The following IPO4 variants were observed in gnomAD, a reference collection of about 807,000 sequenced individuals.
IPO4 encodes the protein importin-4.
A neutral mutation model predicts 133.5 loss-of-function variants in IPO4; 91 were observed. That is an observed-to-expected ratio of 0.68 (90% CI 0.58 to 0.81). The LOEUF is 0.81. IPO4 is among the 30% of genes least tolerant of loss of function. IPO4 has a pLI of 0.00. For missense variants in IPO4, 1,279 were observed against 1,386.2 expected (o/e 0.92, Z 1.23); for synonymous variants, 607 against 581.6 (o/e 1.04, Z -0.63).
intron 13 of IPO4, 69 bp downstream of exon 13, chr14:24,185,390 G>A (rs1380885085): frequency 1.9e-6 from 3 of 1,611,010 alleles, no homozygotes; most frequent in African/African-American, 1.3e-5. Flanking sequence ...CAGCAGGGAT[G>A]CTTGAAGAGA....
chr14:24,184,590 C>G, intron 16 of IPO4, 60 bp downstream of exon 16: 1 of 1,439,144 alleles, frequency 6.9e-7, no homozygotes, highest in Non-Finnish European at 9.4e-7. Context: ...TCTGTCAACA[C>G]CAGGTGAGCA....
rs1470787082 is a variant in IPO4, at chr14:24,185,294, A to T, written c.1297T>A (p.Ser433Thr). The T allele has an allele frequency of 6.2e-7, 1 of 1,614,154 alleles. No homozygotes were observed. The highest frequency in any genetic ancestry group is 8.5e-7 in the Non-Finnish European group (1 of 1,180,000). Residue 433 changes from serine (S) to threonine (T), a missense_variant, in exon 14 of 30, where the codon TCA (serine) becomes ACA (threonine). Transcript: ENST00000354464. ...AGGAGCAGTGGCATTACCTCCCTTG[A>T]ATAGCTGCTGATATGGGGCTGGGGG... ...ENLQPHISSY[S>T]REVMPLLLAY...
Position 24,183,917 on chromosome 14 carries a change from A to T in IPO4, c.1870-19T>A. The T allele has an allele frequency of 6.2e-7, 1 of 1,613,942 alleles. No individual in the cohort carries two copies. The highest frequency in any genetic ancestry group is 2.2e-5 in the East Asian group (1 of 44,870). The stretch of plus-strand genomic sequence containing the variant: ...ACTGAGGCTGGAGCGGAGGCACGGC[A>T]AGGACTTTGGCTCAGCTGGGCCCAG... On this transcript the variant is annotated intron_variant, in intron 18 of 29. Transcript: ENST00000354464.
chr14:24,185,377 T>G, intron 13 of IPO4, 65 bp from the exon 14 acceptor site: 1 of 1,612,626 alleles, frequency 6.2e-7, no homozygotes, highest in Middle Eastern at 1.7e-4. Flanking sequence ...AGAGTGCTGA[T>G]GGCAGCAGGG....
chr14:24,187,284 T>G, intron 6 of IPO4, 116 bp downstream of exon 6: 1 of 1,467,772 alleles, frequency 6.8e-7, no homozygotes, highest in Non-Finnish European at 9.5e-7. Flanking sequence ...CCCCTCTCAA[T>G]TGTCAGGAAG....
At chr14:24,184,231 C>A in intron 17 of IPO4, 67 bp downstream of exon 17, 1 of 1,557,928 alleles carries the variant, frequency 6.4e-7, no homozygotes, top group South Asian at 1.2e-5. Context: ...GTGGGGATTC[C>A]AGTGGGTCCA....
Position 24,184,685 on chromosome 14 carries a change from C to T in IPO4, c.1601G>A (p.Arg534His), listed in dbSNP as rs200959131. The T allele has an allele frequency of 2.0e-4, 325 of 1,611,056 alleles. No individual in the cohort carries two copies. The highest frequency in any genetic ancestry group is 8.0e-5 in the African/African-American group (6 of 74,888). ...EHLREFLLTG[R>H]EDLQPVQIQS... ...GATCTGCACAGGCTGAAGGTCCTCACGGCCTGTTAACAGGAATTCCCGCAG... is the reference window on the plus strand; with the variant it reads ...GATCTGCACAGGCTGAAGGTCCTCATGGCCTGTTAACAGGAATTCCCGCAG... The change falls in exon 16 of 30, where the codon CGT becomes CAT. Residue 534 changes from arginine (R) to histidine (H), a missense_variant. Coordinates refer to ENST00000354464, the MANE Select transcript of IPO4 (RefSeq NM_024658.4).
Position 24,180,837 on chromosome 14 carries a change from C to G in IPO4, c.3046-79G>C, listed in dbSNP as rs146889276. The G allele has an allele frequency of 4.2e-4, 535 of 1,259,986 alleles. 2 individuals are homozygous for G. In the East Asian group the frequency reaches 9.6e-3, roughly 23 times the overall value. The allele number at this position is 1,259,986 out of a possible 1,614,324, so 78.1% of individuals were successfully genotyped here. A position where few individuals can be genotyped will look rare whatever the true frequency, so the allele number is the denominator to read the frequency against. ...GAGGGTGGTCAGGACCAAGGAGTGG[C>G]AGAATCTCTTATCAGGGGGGTGGTT... is the stretch of plus-strand genomic sequence containing the variant. On this transcript the variant is annotated intron_variant, in intron 28 of 29. Coordinates refer to ENST00000354464, the MANE Select transcript of IPO4 (RefSeq NM_024658.4).
In IPO4 at chr14:24,188,532, G is replaced by T; in HGVS notation, c.156+20C>A. 6.2e-7 allele frequency: 1 copy of T among 1,610,436 alleles called. No individual in the cohort carries two copies. Among genetic ancestry groups the T allele is most frequent in the East Asian group, 2.2e-5 (1 of 44,816 alleles). ...GTGGCGTACAGTGGGAAGCTCGGAG[G>T]GGAGAGTCAGGGGTCTCACCTGGGG... On this transcript the variant is annotated intron_variant, in intron 2 of 29. Transcript: ENST00000354464.
rs1454918846 is a variant in IPO4 at position 24,181,211 on chromosome 14, T to G, written c.3045+302A>C. The stretch of plus-strand genomic sequence containing the variant: ...AGAGCACAGTTTGAAAGGGCCCCGG[T>G]TTAGGAAACCAGCCTAGGAAAACTG... On this transcript the variant is annotated intron_variant, in intron 28 of 29. Coordinates refer to ENST00000354464, the MANE Select transcript of IPO4 (RefSeq NM_024658.4). Among the ~76,000 whole-genome samples the G allele has an allele frequency of 2.0e-5, 3 of 152,098 alleles. No homozygotes were observed. The East Asian group carries it at 5.8e-4, about 29-fold the overall frequency.
At chr14:24,185,115 C>T in intron 14 of IPO4, 68 bp downstream of exon 14, 2 of 1,604,610 alleles carry the variant, frequency 1.2e-6, no homozygotes, top group Non-Finnish European at 1.7e-6. Flanking sequence ...GGGAGATGCA[C>T]ATCCTGTACA....
Position 24,186,709 on chromosome 14 carries a change from T to C in IPO4, c.839A>G (p.Lys280Arg). Residue 280 changes from lysine to arginine, a missense_variant and splice_region_variant, in exon 9 of 30, where the codon AAG becomes AGG. Transcript: ENST00000354464. ...GTGTGTCAATGGGCACTCACTTACCTTGCTCTTGACTTTGACCAAGAAAGT... is the reference window on the plus strand; with the variant it reads ...GTGTGTCAATGGGCACTCACTTACCCTGCTCTTGACTTTGACCAAGAAAGT... ...CLTFLVKVKS[K>R]ALLKNRLLPP... The C allele has an allele frequency of 6.2e-7, 1 of 1,613,792 alleles. No individual in the cohort carries two copies. The highest frequency in any genetic ancestry group is 8.5e-7 in the Non-Finnish European group (1 of 1,179,734).
Position 24,188,419 on chromosome 14 carries a change from C to A in IPO4, c.161G>T (p.Arg54Leu). ...LLASAADPQI[R>L]QFAAVLTRRR... ...GCGGGTCAGCACGGCCGCAAACTGGCGGATCTAGGACGAGGAAGCAAGCAC... is the reference window on the plus strand; with the variant it reads ...GCGGGTCAGCACGGCCGCAAACTGGAGGATCTAGGACGAGGAAGCAAGCAC... The change falls in exon 3 of 30, where the codon CGC becomes CTC. Residue 54 changes from arginine to leucine, a missense_variant. Arg to Leu is a moderately radical substitution (Grantham distance 102, BLOSUM62 -2). Around this residue, in one of 3 missense-constraint regions of IPO4, gnomAD observed 695 missense variants for 704.1 expected, o/e 0.99. Coordinates refer to ENST00000354464, the MANE Select transcript of IPO4 (RefSeq NM_024658.4). The A allele has an allele frequency of 2.5e-6, 4 of 1,611,310 alleles. No homozygotes were observed. Among genetic ancestry groups the A allele is most frequent in the Non-Finnish European group, 3.4e-6 (4 of 1,179,898 alleles).
In IPO4 at chr14:24,188,655, G is replaced by A. The variant is rs2039264795; in HGVS notation, c.70-17C>T. 4 of 1,606,986 alleles carry A rather than the reference G, an allele frequency of 2.5e-6. No individual in the cohort carries two copies. The highest frequency in any genetic ancestry group is 2.2e-5 in the East Asian group (1 of 44,594). On this transcript the variant is annotated splice_polypyrimidine_tract_variant and intron_variant, in intron 1 of 29. Transcript: ENST00000354464. ...TTCCGTGGCCTGGGGGGAAGCTAGG[G>A]GTGAGAGTTGGGCCTTTCCCGCAAC...
chr14:24,185,278 G>A lies in IPO4; in HGVS notation c.1313C>T (p.Pro438Leu). 1.9e-6 allele frequency: 3 copies of A among 1,614,176 alleles called. No individual in the cohort carries two copies. Among genetic ancestry groups the A allele is most frequent in the Non-Finnish European group, 2.5e-6 (3 of 1,180,026 alleles). ...HISSYSREVM[P>L]LLLAYLKSVP... Reference sequence around the variant, plus strand: ...CGACTTCAAGTAGGCGAGGAGCAGTGGCATTACCTCCCTTGAATAGCTGCT... The same window carrying A: ...CGACTTCAAGTAGGCGAGGAGCAGTAGCATTACCTCCCTTGAATAGCTGCT... The change falls in exon 14 of 30, where the codon CCA becomes CTA. Residue 438 changes from proline to leucine, a missense_variant. Coordinates refer to ENST00000354464, the MANE Select transcript of IPO4 (RefSeq NM_024658.4).
In IPO4 at chr14:24,183,595, G is replaced by A. The variant is rs571740209; in HGVS notation, c.2058C>T (p.Asn686=). ...TCAAVGEISV[N]TSVAFLPYME... ...AGGGAAGGGCGAATGCTCACCTGGT[G>A]TTCACAGAGATCTCCCCCACGGCAG... Residue 686 remains asparagine, a synonymous_variant, in exon 20 of 30, where the codon AAC becomes AAT. Transcript: ENST00000354464. 2.5e-6 allele frequency: 4 copies of A among 1,614,184 alleles called. No individual in the cohort carries two copies. The Admixed American group carries it at 5.0e-5, about 20-fold the overall frequency.
chr14:24,184,371 G>A lies in IPO4; in HGVS notation c.1684C>T (p.Leu562=), dbSNP rs1444341558. Residue 562 remains leucine (L), a synonymous_variant, in exon 17 of 30, where the codon CTG becomes TTG. Coordinates refer to ENST00000354464, the MANE Select transcript of IPO4 (RefSeq NM_024658.4). ...CCCAGCTGGCAGCATTCCTCAGCCA[G>A]CGGCCTCATGGGCTCCCCCACTGCT... ...ARAVGEPMRP[L]AEECCQLGLG... 1 of 1,607,022 alleles carries A rather than the reference G, an allele frequency of 6.2e-7. No homozygotes were observed. Among genetic ancestry groups the A allele is most frequent in the Non-Finnish European group, 8.5e-7 (1 of 1,177,208 alleles).
At chr14:24,187,830 T>TC in intron 4 of IPO4, 34 bp from the exon 5 acceptor site, 1 of 1,612,736 alleles carries the variant, frequency 6.2e-7, no homozygotes, top group East Asian at 2.2e-5. Flanking sequence ...CAATCACCCT[T>TC]CAATACCTTC....
At chr14:24,184,264 G>T (rs1240411770) in intron 17 of IPO4, 34 bp downstream of exon 17, 10 of 1,574,310 alleles carry the variant, frequency 6.4e-6, no homozygotes, top group Middle Eastern at 1.8e-4. Flanking sequence ...GAGGGGAGGG[G>T]ACAAGGGCAG....
Sources: allele counts gnomAD v4.1 joint callset (sites outside exome capture counted in the v4.1 genomes callset), GRCh38; gene constraint gnomAD v4.1.1; regional missense constraint gnomAD v4.1.1; transcripts MANE v1.5; gene names NCBI Gene and HGNC (gene_info 2026-07-23, HGNC 2026-07-21).